The following ZNF516 variants were observed in gnomAD, a reference collection of about 807,000 sequenced individuals.
The protein encoded by ZNF516 is zinc finger protein 516.
A neutral mutation model predicts 79.7 loss-of-function variants in ZNF516; 19 were observed. That is an observed-to-expected ratio of 0.24 (90% CI 0.17 to 0.35). ZNF516 has a LOEUF of 0.35. Among genes scored for constraint, ZNF516 ranks in the 10% least tolerant of loss-of-function variants. The pLI, the probability that ZNF516 is intolerant of heterozygous loss-of-function variation, is 1.00. For synonymous variants in ZNF516, 877 were observed against 739.5 expected (o/e 1.19, Z -3.02); for missense variants, 1,678 against 1,679.5 (o/e 1.00, Z 0.02).
chr18:76,432,818 A>G (rs2145465937), intron 3 of ZNF516, among the ~76,000 whole-genome samples: 1 of 152,284 alleles, frequency 6.6e-6, no homozygotes, highest in African/African-American at 2.4e-5. Context: ...ATCACTCTCT[A>G]CTGGGAAAGG....
intron 3 of ZNF516, among the ~76,000 whole-genome samples, chr18:76,423,450 A>G (rs1194773886): frequency 6.6e-6 from 1 of 151,142 alleles, no homozygotes; most frequent in Non-Finnish European, 1.5e-5. Flanking sequence ...GTTCCTCCTG[A>G]AACACACACA....
At chr18:76,418,243 T>C (rs1004449002) in intron 3 of ZNF516, among the ~76,000 whole-genome samples, 1 of 151,734 alleles carries the variant, frequency 6.6e-6, no homozygotes, top group Non-Finnish European at 1.5e-5. Flanking sequence ...TATCACACTA[T>C]AACACACTAA....
chr18:76,491,892 G>A (rs1251247039), intron 1 of ZNF516, among the ~76,000 whole-genome samples: 3 of 152,170 alleles, frequency 2.0e-5, no homozygotes, highest in Non-Finnish European at 4.4e-5. Flanking sequence ...GATTGGGGAG[G>A]GGCAGAATTG....
rs1439653240 is a variant in ZNF516 at position 76,365,520 on chromosome 18, GTTCT to G, written c.3433-2967_3433-2964del. 2.6e-5 allele frequency among the ~76,000 whole-genome samples: 4 copies of G among 152,324 alleles called. No individual in the cohort carries two copies. The East Asian group carries it at 5.8e-4, about 22-fold the overall frequency. ...TTTCAACATATTGTTTTCAGAAAGT[GTTCT>G]TTCTAATGATGAATGCTGATGATTA... On this transcript the variant is annotated intron_variant, in intron 6 of 6. Transcript: ENST00000443185.
At position 76,359,875 on chromosome 18, in the gene ZNF516, C is replaced by T. The variant is rs1391259175; in HGVS notation, c.*2623G>A. The T allele has an allele frequency of 6.6e-6, 1 of 152,138 alleles. No homozygotes were observed. The highest frequency in any genetic ancestry group is 2.4e-5 in the African/African-American group (1 of 41,412). The allele number at this position is 152,138 out of a possible 1,614,324, so 9.4% of individuals were successfully genotyped here. A position where few individuals can be genotyped will look rare whatever the true frequency, so the allele number is the denominator to read the frequency against. ...CGGTGGCTAAATAAATAAGGAAACA[C>T]AAATCATATTAAATACTATGACCAA... On this transcript the variant is annotated 3_prime_UTR_variant, in exon 7 of 7. Transcript: ENST00000443185.
At chr18:76,416,392 C>T (rs10782013) in intron 3 of ZNF516, among the ~76,000 whole-genome samples, 85,530 of 152,072 alleles carry the variant, frequency 0.56, 24,253 homozygotes, top group South Asian at 0.68. Context: ...GCTGAAATGT[C>T]GCCCATGCTT....
At chr18:76,427,016 T>C (rs772405565) in intron 3 of ZNF516, among the ~76,000 whole-genome samples, 3 of 152,154 alleles carry the variant, frequency 2.0e-5, no homozygotes, top group Admixed American at 1.3e-4. Context: ...TGGGTCCTGC[T>C]ATCTGGGCCC....
In ZNF516 at chr18:76,493,927, C is replaced by A. The variant is rs1286114680; in HGVS notation, c.-272+1217G>T. ...ATGAATATATTTAAAAAGAGGGCTG[C>A]GCAAGTTGATCTTTGCACACCCGGA... On this transcript the variant is annotated intron_variant, in intron 1 of 6. Coordinates refer to ENST00000443185, the MANE Select transcript of ZNF516 (RefSeq NM_014643.4). This position sits in a 1 kb window ranked among gnomAD's most constrained non-coding sequence, Gnocchi z 5.2. 1 of 152,174 alleles carries A rather than the reference C, an allele frequency of 6.6e-6. No homozygotes were observed. The highest frequency in any genetic ancestry group is 2.4e-5 in the African/African-American group (1 of 41,424). 9.4% of individuals were successfully genotyped at this position (152,174 alleles called of 1,614,324 possible).
intron 2 of ZNF516, among the ~76,000 whole-genome samples, chr18:76,449,826 G>A (rs1912284476): frequency 6.6e-6 from 1 of 152,168 alleles, no homozygotes; most frequent in Non-Finnish European, 1.5e-5. Context: ...TAGAAAGCTG[G>A]ATTCAAAATA....
chr18:76,480,530 T>TA (rs755045197), intron 1 of ZNF516, among the ~76,000 whole-genome samples: 534 of 23,384 alleles, frequency 0.023, 5 homozygotes, highest in Middle Eastern at 0.083. Flanking sequence ...CACACATATA[T>TA]TTTTTTTTTT....
intron 1 of ZNF516, among the ~76,000 whole-genome samples, chr18:76,473,714 C>T (rs56336528): frequency 0.064 from 9,735 of 151,218 alleles, 393 homozygotes; most frequent in Non-Finnish European, 0.092. Context: ...GGCAAGAGGA[C>T]GGCGTGAACC....
intron 3 of ZNF516, among the ~76,000 whole-genome samples, chr18:76,396,145 C>T (rs1368254580): frequency 6.6e-6 from 1 of 152,206 alleles, no homozygotes. Context: ...GTTCTCCCAT[C>T]CCCAGTAGCT....
chr18:76,431,536 G>C (rs1244309058), intron 3 of ZNF516, among the ~76,000 whole-genome samples: 1 of 152,192 alleles, frequency 6.6e-6, no homozygotes, highest in East Asian at 1.9e-4. Context: ...CTCATGTTGC[G>C]ACCGATTCCC....
chr18:76,415,753 CA>C (rs2145335404), intron 3 of ZNF516, among the ~76,000 whole-genome samples: 1 of 152,292 alleles, frequency 6.6e-6, no homozygotes, highest in South Asian at 2.1e-4. Flanking sequence ...GAAACCGGCT[CA>C]AAATGCAGCA....
intron 3 of ZNF516, among the ~76,000 whole-genome samples, chr18:76,399,845 C>T (rs2075194678): frequency 6.6e-6 from 1 of 152,166 alleles, no homozygotes; most frequent in South Asian, 2.1e-4. Context: ...AGCCACCAGC[C>T]CTCACCATGT....
intron 3 of ZNF516, chr18:76,389,519 C>T (rs1489615975): frequency 2.6e-5 from 4 of 152,172 alleles, no homozygotes; most frequent in African/African-American, 9.7e-5. Flanking sequence ...CTTCCATCCG[C>T]ACGCACATGG....
At chr18:76,471,845 G>A (rs1190477322) in intron 1 of ZNF516, among the ~76,000 whole-genome samples, 3 of 152,106 alleles carry the variant, frequency 2.0e-5, no homozygotes, top group East Asian at 3.9e-4. Context: ...CTGGGACTCC[G>A]GCCCCACCCA....
intron 3 of ZNF516, among the ~76,000 whole-genome samples, chr18:76,438,415 C>T (rs2075773377): frequency 6.6e-6 from 1 of 152,120 alleles, no homozygotes; most frequent in Non-Finnish European, 1.5e-5. Context: ...GCCCTTTCAC[C>T]CCTCTTTCTT....
chr18:76,417,558 C>T (rs186415594), intron 3 of ZNF516, among the ~76,000 whole-genome samples: 122 of 152,292 alleles, frequency 8.0e-4, no homozygotes, highest in Non-Finnish European at 1.5e-3. Flanking sequence ...ATTAAGTAAT[C>T]TTCCATAAAA....
Sources: allele counts gnomAD v4.1 joint callset (sites outside exome capture counted in the v4.1 genomes callset), GRCh38; gene constraint gnomAD v4.1.1; non-coding constraint Gnocchi (gnomAD v3.1); transcripts MANE v1.5; gene names NCBI Gene and HGNC (gene_info 2026-07-23, HGNC 2026-07-21).